DENND5B: variants seen among roughly 807,000 people sequenced by gnomAD.
DENND5B encodes DENN domain containing 5B.
In DENND5B, 34 loss-of-function variants were observed where a neutral mutation model predicts 140.6. That is an observed-to-expected ratio of 0.24 (90% confidence interval 0.18 to 0.32). DENND5B has a LOEUF of 0.32. Ranked by LOEUF, DENND5B falls within the 10% of genes least tolerant of loss-of-function variation. The pLI is 1.00. For missense variants in DENND5B, 1,142 were observed against 1,560.2 expected (o/e 0.73, Z 4.52); for synonymous variants, 551 against 562.1 (o/e 0.98, Z 0.28).
intron 7 of DENND5B, among the ~76,000 whole-genome samples, chr12:31,442,129 C>T (rs1211558055): frequency 6.6e-6 from 1 of 152,194 alleles, no homozygotes; most frequent in Non-Finnish European, 1.5e-5. Context: ...ACCCAAAGTA[C>T]TATCCTGTCT....
At chr12:31,476,279 T>TA (rs1314534568) in intron 3 of DENND5B, among the ~76,000 whole-genome samples, 1 of 151,660 alleles carries the variant, frequency 6.6e-6, no homozygotes, top group East Asian at 1.9e-4. Context: ...CTGTATCATT[T>TA]AAAAAGGTTT....
At chr12:31,543,747 C>T (rs1235933574) in intron 1 of DENND5B, among the ~76,000 whole-genome samples, 1 of 152,206 alleles carries the variant, frequency 6.6e-6, no homozygotes, top group African/African-American at 2.4e-5. Context: ...CAGACTGGAA[C>T]ATGTGGCTGG....
At chr12:31,520,518 T>C (rs962930010) in intron 1 of DENND5B, among the ~76,000 whole-genome samples, 3 of 152,130 alleles carry the variant, frequency 2.0e-5, no homozygotes, top group Non-Finnish European at 4.4e-5. Flanking sequence ...GAACCATATA[T>C]ATAATTTAAA....
At chr12:31,435,407 G>A (rs76928672) in intron 7 of DENND5B, among the ~76,000 whole-genome samples, 3,114 of 152,026 alleles carry the variant, frequency 0.02, 55 homozygotes, top group South Asian at 0.054. Context: ...CAATTCTCCC[G>A]TCTTTTCAAC....
chr12:31,580,133 G>A lies in DENND5B; in HGVS notation c.127+10573C>T, dbSNP rs368908476. ...CAACTGAAGCTACAAGTGCTCTTTA[G>A]TACAACCACTTTCTGAAATTTCATA... On this transcript the variant is annotated intron_variant, in intron 1 of 20. Coordinates refer to ENST00000389082, the MANE Select transcript of DENND5B (RefSeq NM_144973.4). Among the ~76,000 whole-genome samples, 17 of 152,056 alleles carry A rather than the reference G, an allele frequency of 1.1e-4. No individual in the cohort carries two copies. The East Asian group carries it at 3.3e-3, about 29-fold the overall frequency.
chr12:31,541,204 A>ATG (rs1948672721), intron 1 of DENND5B, among the ~76,000 whole-genome samples: 1 of 152,200 alleles, frequency 6.6e-6, no homozygotes, highest in Non-Finnish European at 1.5e-5. Flanking sequence ...AAAAATGGAC[A>ATG]AATGGGATCA....
chr12:31,543,316 T>C (rs1948750219), intron 1 of DENND5B, among the ~76,000 whole-genome samples: 1 of 152,352 alleles, frequency 6.6e-6, no homozygotes, highest in East Asian at 1.9e-4. Context: ...ATGATGTGTG[T>C]GGTATCACTC....
intron 1 of DENND5B, among the ~76,000 whole-genome samples, chr12:31,525,423 T>A (rs1046170169): frequency 2.0e-5 from 3 of 152,204 alleles, no homozygotes; most frequent in Non-Finnish European, 4.4e-5. Context: ...GTGAAAGATG[T>A]CAGACACATA....
intron 10 of DENND5B, 52 bp downstream of exon 10, chr12:31,424,480 TTTC>T: frequency 1.3e-6 from 2 of 1,514,474 alleles, no homozygotes; most frequent in Non-Finnish European, 8.8e-7. Context: ...CCTTGTTACA[TTTC>T]TTAACAGGGC....
At chr12:31,523,540 ATGTC>A (rs1947979432) in intron 1 of DENND5B, among the ~76,000 whole-genome samples, 2 of 152,134 alleles carry the variant, frequency 1.3e-5, no homozygotes, top group Non-Finnish European at 2.9e-5. Flanking sequence ...TTCTGAGTGA[ATGTC>A]TGGCCATCTT....
At chr12:31,450,860 A>G (rs996485610) in intron 5 of DENND5B, among the ~76,000 whole-genome samples, 78 of 152,190 alleles carry the variant, frequency 5.1e-4, no homozygotes, top group African/African-American at 1.5e-3. Flanking sequence ...GTGACCTAAA[A>G]GAGTTACTAT....
At chr12:31,460,962 G>A (rs1287266401) in intron 3 of DENND5B, among the ~76,000 whole-genome samples, 1 of 152,174 alleles carries the variant, frequency 6.6e-6, no homozygotes, top group African/African-American at 2.4e-5. Flanking sequence ...TTGACCTCAA[G>A]CAATCCGCCT....
intron 3 of DENND5B, among the ~76,000 whole-genome samples, chr12:31,470,102 C>T (rs957655516): frequency 1.4e-5 from 2 of 145,006 alleles, no homozygotes; most frequent in Admixed American, 7.2e-5. Flanking sequence ...CATACACTAC[C>T]ATGTCTGGCT....
At chr12:31,510,069 T>C (rs1947352014) in intron 1 of DENND5B, among the ~76,000 whole-genome samples, 1 of 152,228 alleles carries the variant, frequency 6.6e-6, no homozygotes. Flanking sequence ...CGATATCTTA[T>C]GGGTCCTTGC....
chr12:31,409,178 T>A (rs752372950), intron 14 of DENND5B, 85 bp downstream of exon 14: 4 of 1,364,612 alleles, frequency 2.9e-6, no homozygotes, highest in Non-Finnish European at 3.9e-6. Flanking sequence ...ACATGTACTA[T>A]GGCATATCTT....
At chr12:31,445,236 T>C (rs147037814) in intron 6 of DENND5B, among the ~76,000 whole-genome samples, 19 of 152,332 alleles carry the variant, frequency 1.2e-4, no homozygotes, top group African/African-American at 4.3e-4. Context: ...TACATAGTTC[T>C]TTCTTGAATG....
intron 7 of DENND5B, among the ~76,000 whole-genome samples, chr12:31,433,879 T>C (rs1048057688): frequency 1.4e-4 from 21 of 152,064 alleles, no homozygotes; most frequent in Non-Finnish European, 1.2e-4. Context: ...TTAGCCTCCT[T>C]AGCTACTTGG....
intron 7 of DENND5B, among the ~76,000 whole-genome samples, chr12:31,436,109 C>T (rs184582169): frequency 3.1e-4 from 46 of 150,710 alleles, no homozygotes; most frequent in East Asian, 6.0e-4. Context: ...AAAGCCCCCC[C>T]ACTTTTTTTT....
intron 1 of DENND5B, among the ~76,000 whole-genome samples, chr12:31,565,696 T>C (rs1380255852): frequency 1.3e-5 from 2 of 152,222 alleles, no homozygotes; most frequent in African/African-American, 2.4e-5. Flanking sequence ...GACTGTTCTC[T>C]ATAGTTAAAG....
Sources: gnomAD v4.1 joint callset for allele counts (sites outside exome capture counted in the v4.1 genomes callset) on GRCh38, gnomAD v4.1.1 for gene constraint, MANE v1.5 for transcripts, NCBI Gene and HGNC (gene_info 2026-07-23, HGNC 2026-07-21) for gene names.